The following GDAP2 variants were observed in gnomAD, a reference collection of about 807,000 sequenced individuals.
GDAP2 encodes ganglioside induced differentiation associated protein 2.
In GDAP2, 51 loss-of-function variants were observed where a neutral mutation model predicts 67.0. The ratio of observed to expected loss-of-function variants is 0.76; its 90% confidence interval spans 0.61 to 0.96. GDAP2 has a LOEUF of 0.96. Ranked by LOEUF, GDAP2 falls within the 40% of genes least tolerant of loss-of-function variation. GDAP2 has a pLI of 0.00. For synonymous variants in GDAP2, 203 were observed against 207.3 expected (o/e 0.98, Z 0.18); for missense variants, 547 against 588.3 (o/e 0.93, Z 0.73).
In GDAP2 at chr1:117,883,243, T is replaced by C. The variant is rs1052745388; in HGVS notation, c.1247+245A>G. 20 of 382,242 alleles carry C rather than the reference T, an allele frequency of 5.2e-5. No homozygotes were observed. In the East Asian group the frequency reaches 9.2e-4, roughly 18 times the overall value. The allele number at this position is 382,242 out of a possible 1,614,324, so 23.7% of individuals were successfully genotyped here. On this transcript the variant is annotated intron_variant, in intron 11 of 13. Coordinates refer to ENST00000369443, the MANE Select transcript of GDAP2 (RefSeq NM_017686.4). Reference sequence around the variant, plus strand: ...TATAATACATCATATAAATAGAAGGTAGTATTTTTGTTATTTTATCCACAA... The same window carrying C: ...TATAATACATCATATAAATAGAAGGCAGTATTTTTGTTATTTTATCCACAA...
At chr1:117,924,823 T>C (rs1461283130) in intron 1 of GDAP2, among the ~76,000 whole-genome samples, 1 of 152,210 alleles carries the variant, frequency 6.6e-6, no homozygotes, top group African/African-American at 2.4e-5. Flanking sequence ...CCACAAGTTT[T>C]GTTGATCTGT....
chr1:117,924,784 T>G (rs1650385787), intron 1 of GDAP2, among the ~76,000 whole-genome samples: 1 of 152,176 alleles, frequency 6.6e-6, no homozygotes, highest in South Asian at 2.1e-4. Flanking sequence ...TACCTAAAAG[T>G]TGGTGTTTAG....
chr1:117,868,239 A>G lies in GDAP2; in HGVS notation c.*2330T>C, dbSNP rs955678682. 6.6e-6 allele frequency: 1 copy of G among 152,234 alleles called. No homozygotes were observed. The highest frequency in any genetic ancestry group is 2.4e-5 in the African/African-American group (1 of 41,462). 9.4% of individuals were successfully genotyped at this position (152,234 alleles called of 1,614,324 possible). A position where few individuals can be genotyped will look rare whatever the true frequency, so the allele number is the denominator to read the frequency against. On this transcript the variant is annotated 3_prime_UTR_variant, in exon 14 of 14. Coordinates refer to ENST00000369443, the MANE Select transcript of GDAP2 (RefSeq NM_017686.4). Reference sequence around the variant, plus strand: ...TGGTACTTTGAAGCAACTTCATTCTATAACACTTTAGACATCTATAAAAGC... The same window carrying G: ...TGGTACTTTGAAGCAACTTCATTCTGTAACACTTTAGACATCTATAAAAGC...
In GDAP2 at chr1:117,877,113, T is replaced by A. The variant is rs78068060; in HGVS notation, c.1446+896A>T. 7.5e-3 allele frequency: 1,289 copies of A among 171,960 alleles called. 11 individuals are homozygous for A. The highest frequency in any genetic ancestry group is 0.011 in the Non-Finnish European group (963 of 86,090). 10.7% of individuals were successfully genotyped at this position (171,960 alleles called of 1,614,324 possible). A position where few individuals can be genotyped will look rare whatever the true frequency, so the allele number is the denominator to read the frequency against. On this transcript the variant is annotated intron_variant, in intron 13 of 13. Coordinates refer to ENST00000369443, the MANE Select transcript of GDAP2 (RefSeq NM_017686.4). ...GCTCCAGTTACAAATCCTCTCTGTA[T>A]AACAGCCAAATATGAAATTTTATTA...
At chr1:117,889,605 T>G (rs1648995987) in intron 8 of GDAP2, among the ~76,000 whole-genome samples, 1 of 152,100 alleles carries the variant, frequency 6.6e-6, no homozygotes, top group Non-Finnish European at 1.5e-5. Context: ...CTTAACATAC[T>G]GTCTTATATC....
chr1:117,900,928 C>T (rs1313094154), intron 6 of GDAP2, among the ~76,000 whole-genome samples: 4 of 152,048 alleles, frequency 2.6e-5, no homozygotes, highest in East Asian at 1.9e-4. Context: ...GGGGTGGTAG[C>T]GGGTGCCTGT....
At position 117,864,734 on chromosome 1, in the gene GDAP2, T is replaced by A. The variant is rs1479037010; in HGVS notation, c.*5835A>T. ...AAGCAAAAACTGAGGAGCTAAGAGA[T>A]TTTTTTCCTTATTAAAAAGTGAAGT... On this transcript the variant is annotated 3_prime_UTR_variant, in exon 14 of 14. Coordinates refer to ENST00000369443, the MANE Select transcript of GDAP2 (RefSeq NM_017686.4). The A allele has an allele frequency of 6.6e-5, 10 of 152,102 alleles. No homozygotes were observed. Among genetic ancestry groups the A allele is most frequent in the African/African-American group, 2.4e-4 (10 of 41,438 alleles). 9.4% of individuals were successfully genotyped at this position (152,102 alleles called of 1,614,324 possible).
chr1:117,908,293 C>T (rs1193170717), intron 5 of GDAP2, among the ~76,000 whole-genome samples: 2 of 151,992 alleles, frequency 1.3e-5, no homozygotes, highest in African/African-American at 4.8e-5. Flanking sequence ...GCCTAGCACA[C>T]CTTACGGATG....
At chr1:117,899,296 C>T (rs1015336752) in intron 6 of GDAP2, 80 bp from the exon 7 acceptor site, 2 of 922,292 alleles carry the variant, frequency 2.2e-6, no homozygotes, top group East Asian at 2.4e-5. Flanking sequence ...GCTGTTCATA[C>T]ACTGTGAAGA....
At chr1:117,927,286 A>G (rs1650484637) in intron 1 of GDAP2, among the ~76,000 whole-genome samples, 1 of 152,134 alleles carries the variant, frequency 6.6e-6, no homozygotes, top group Admixed American at 6.5e-5. Flanking sequence ...CTTAATATGA[A>G]TAATTGGATT....
chr1:117,904,465 T>C (rs1404063391), intron 6 of GDAP2, among the ~76,000 whole-genome samples: 1 of 152,250 alleles, frequency 6.6e-6, no homozygotes, highest in Non-Finnish European at 1.5e-5. Context: ...GAGGTAAATG[T>C]CTAATACCTC....
intron 13 of GDAP2, among the ~76,000 whole-genome samples, chr1:117,871,333 T>C (rs570831655): frequency 6.6e-6 from 1 of 152,310 alleles, no homozygotes; most frequent in East Asian, 1.9e-4. Context: ...CTAATCTCAG[T>C]AAAAATCAAG....
At chr1:117,900,594 C>T (rs148560904) in intron 6 of GDAP2, among the ~76,000 whole-genome samples, 1,581 of 152,068 alleles carry the variant, frequency 0.01, 25 homozygotes, top group African/African-American at 0.036. Context: ...GGTGAAACCC[C>T]GTCTCTACTA....
At chr1:117,903,710 CTA>C (rs1171016588) in intron 6 of GDAP2, among the ~76,000 whole-genome samples, 7 of 152,078 alleles carry the variant, frequency 4.6e-5, no homozygotes, top group African/African-American at 1.7e-4. Context: ...AGATATTGCT[CTA>C]TAGTTTTCTG....
intron 1 of GDAP2, among the ~76,000 whole-genome samples, chr1:117,923,511 C>A (rs1403705682): frequency 6.6e-6 from 1 of 152,226 alleles, no homozygotes; most frequent in Admixed American, 6.5e-5. Context: ...CTTCCCACAA[C>A]ACTAAGAACT....
At chr1:117,908,575 C>A (rs1186413250) in intron 5 of GDAP2, among the ~76,000 whole-genome samples, 3 of 152,108 alleles carry the variant, frequency 2.0e-5, no homozygotes, top group Admixed American at 1.3e-4. Flanking sequence ...ATAATCCCAG[C>A]ACTTTGGGAG....
At chr1:117,887,804 A>T in intron 8 of GDAP2, 30 bp from the exon 9 acceptor site, 2 of 1,253,302 alleles carry the variant, frequency 1.6e-6, no homozygotes, top group Non-Finnish European at 2.3e-6. Context: ...AATCATTATA[A>T]TAAACCCTTG....
chr1:117,899,573 CAT>C (rs1292314299), intron 6 of GDAP2, among the ~76,000 whole-genome samples: 2 of 152,100 alleles, frequency 1.3e-5, no homozygotes, highest in Non-Finnish European at 2.9e-5. Context: ...CTCAGTGTGC[CAT>C]CAGGGTCCGT....
chr1:117,868,541 C>G lies in GDAP2; in HGVS notation c.*2028G>C, dbSNP rs953704807. 1.3e-5 allele frequency: 2 copies of G among 152,116 alleles called. No individual in the cohort carries two copies. The highest frequency in any genetic ancestry group is 6.5e-5 in the Admixed American group (1 of 15,280). 9.4% of individuals were successfully genotyped at this position (152,116 alleles called of 1,614,324 possible). A position where few individuals can be genotyped will look rare whatever the true frequency, so the allele number is the denominator to read the frequency against. ...ATAAATTTGCTTCCTTTCAAATTGG[C>G]AAAGTAGCTTACGGCCTCTATTATC... On this transcript the variant is annotated 3_prime_UTR_variant, in exon 14 of 14. Transcript: ENST00000369443.
Sources: allele counts gnomAD v4.1 joint callset (sites outside exome capture counted in the v4.1 genomes callset), GRCh38; gene constraint gnomAD v4.1.1; transcripts MANE v1.5; gene names NCBI Gene and HGNC (gene_info 2026-07-23, HGNC 2026-07-21).